APPL2: variants seen among roughly 807,000 people sequenced by gnomAD.
The protein encoded by APPL2 is adaptor protein, phosphotyrosine interacting with PH domain and leucine zipper 2, also known as DCC-interacting protein 13-beta.
A neutral mutation model predicts 92.7 loss-of-function variants in APPL2; 84 were observed. The observed-to-expected ratio is 0.91, with a 90% CI of 0.76 to 1.09. APPL2 has a LOEUF of 1.09. APPL2 is among the 50% of genes least tolerant of loss of function. The pLI is 0.00. For missense variants in APPL2, 736 were observed against 824.5 expected, an observed-to-expected ratio of 0.89 and a Z score of 1.31; for synonymous variants, 291 against 291.0, an observed-to-expected ratio of 1.00 and a Z score of 0.00.
chr12:105,196,427 T>A (rs1287857294), intron 11 of APPL2, among the ~76,000 whole-genome samples: 3 of 4,756 alleles, frequency 6.3e-4, no homozygotes, highest in Admixed American at 3.2e-3. Context: ...CGTTAACTCT[T>A]TTTTTTTTTT....
At chr12:105,208,692 C>T (rs977795299) in intron 5 of APPL2, among the ~76,000 whole-genome samples, 30 of 152,254 alleles carry the variant, frequency 2.0e-4, no homozygotes, top group Non-Finnish European at 4.4e-5. Context: ...AAACGTGACA[C>T]GATCTAGCAT....
intron 5 of APPL2, among the ~76,000 whole-genome samples, chr12:105,208,765 GCA>G (rs1888974461): frequency 6.6e-6 from 1 of 152,310 alleles, no homozygotes; most frequent in Non-Finnish European, 1.5e-5. Flanking sequence ...CACCCATCAT[GCA>G]CAGAGATGGC....
chr12:105,188,775 T>C lies in APPL2; in HGVS notation c.1460-328A>G, dbSNP rs184609883. 1.5e-3 allele frequency among the ~76,000 whole-genome samples: 236 copies of C among 152,328 alleles called. 1 individual carries two copies. The highest frequency in any genetic ancestry group is 5.4e-3 in the African/African-American group (226 of 41,580). ...TACCTTTTCTCTGAAAAGAGTGAGT[T>C]CACTAGACAATAGAAAATTCATTAC... On this transcript the variant is annotated intron_variant, in intron 16 of 20. Coordinates refer to ENST00000258530, the MANE Select transcript of APPL2 (RefSeq NM_018171.5).
At position 105,209,412 on chromosome 12, in the gene APPL2, A is replaced by T. The variant is rs11112411; in HGVS notation, c.374-1213T>A. ...GAGCAGTTTTATTCCACTTAAAAAAAATCACCATCCTGGGCAAATACTACT... is the reference window on the plus strand; with the variant it reads ...GAGCAGTTTTATTCCACTTAAAAAATATCACCATCCTGGGCAAATACTACT... On this transcript the variant is annotated intron_variant, in intron 5 of 20. Coordinates refer to ENST00000258530, the MANE Select transcript of APPL2 (RefSeq NM_018171.5). Among the ~76,000 whole-genome samples the T allele has an allele frequency of 6.5e-4, 99 of 152,266 alleles. 1 individual carries two copies. The East Asian group carries it at 0.019, about 29-fold the overall frequency.
Position 105,235,866 on chromosome 12 carries a change from G to A in APPL2, c.54+93C>T, listed in dbSNP as rs946453522. 7.3e-6 allele frequency: 8 copies of A among 1,088,508 alleles called. No homozygotes were observed. In the African/African-American group the frequency reaches 9.9e-5, roughly 13 times the overall value. 67.4% of individuals were successfully genotyped at this position (1,088,508 alleles called of 1,614,324 possible). A position where few individuals can be genotyped will look rare whatever the true frequency, so the allele number is the denominator to read the frequency against. On this transcript the variant is annotated intron_variant, in intron 1 of 20. Transcript: ENST00000258530. ...GGGGGCCGGGCGCACTCCCGCGGCT[G>A]CCCGGCCGGGGGCGCGGCCTCCACT...
Position 105,197,067 on chromosome 12 carries a change from G to A in APPL2, c.1052+698C>T, listed in dbSNP as rs79314578. Among the ~76,000 whole-genome samples the A allele has an allele frequency of 2.9e-3, 443 of 152,080 alleles. 16 individuals carry two copies. The East Asian group carries it at 0.071, about 25-fold the overall frequency. ...GTGTGAGAAGAGCGGCTCTGATGACGGGCAGGGCCACTCCTCTCCCCAGGC... is the reference window on the plus strand; with the variant it reads ...GTGTGAGAAGAGCGGCTCTGATGACAGGCAGGGCCACTCCTCTCCCCAGGC... On this transcript the variant is annotated intron_variant, in intron 11 of 20. Transcript: ENST00000258530.
chr12:105,176,470 GTTT>G, intron 19 of APPL2: 1 of 435,410 alleles, frequency 2.3e-6, no homozygotes, highest in East Asian at 3.6e-5. Context: ...AGAGTCAAAA[GTTT>G]TTCATACTAA....
chr12:105,184,282 C>G (rs115224406), intron 17 of APPL2, among the ~76,000 whole-genome samples: 6 of 152,110 alleles, frequency 3.9e-5, no homozygotes, highest in African/African-American at 1.4e-4. Flanking sequence ...ACTCATTCTC[C>G]GTCCAATTTT....
At chr12:105,180,634 T>G (rs1186676741) in intron 17 of APPL2, among the ~76,000 whole-genome samples, 1 of 152,214 alleles carries the variant, frequency 6.6e-6, no homozygotes, top group Non-Finnish European at 1.5e-5. Flanking sequence ...TGTCCTCTCT[T>G]ATTTCCTTGA....
chr12:105,177,353 T>A (rs369800359), intron 17 of APPL2, 91 bp from the exon 18 acceptor site: 1 of 1,355,132 alleles, frequency 7.4e-7, no homozygotes, highest in South Asian at 1.2e-5. Flanking sequence ...AAATACAAAT[T>A]CCCCGAAATA....
chr12:105,188,233 C>A, intron 17 of APPL2, 40 bp downstream of exon 17: 1 of 1,603,498 alleles, frequency 6.2e-7, no homozygotes. Context: ...GGGGAATTAG[C>A]TGAAGCCATA....
At chr12:105,207,882 G>A (rs559937576) in intron 7 of APPL2, 89 bp downstream of exon 7, 113 of 1,195,922 alleles carry the variant, frequency 9.4e-5, no homozygotes, top group Non-Finnish European at 1.2e-4. Context: ...AAATAACCAC[G>A]CACCCTTTCA....
chr12:105,200,353 AC>A (rs1487465645), intron 9 of APPL2, among the ~76,000 whole-genome samples: 3 of 152,272 alleles, frequency 2.0e-5, no homozygotes, highest in African/African-American at 4.8e-5. Flanking sequence ...AGGAAGTGGT[AC>A]TAAGGTGCAA....
intron 2 of APPL2, among the ~76,000 whole-genome samples, chr12:105,227,819 A>C (rs1890635025): frequency 6.6e-6 from 1 of 152,204 alleles, no homozygotes. Context: ...GCATAATAAC[A>C]ATAACAATAC....
At chr12:105,178,994 T>C (rs1370267419) in intron 17 of APPL2, among the ~76,000 whole-genome samples, 1 of 152,172 alleles carries the variant, frequency 6.6e-6, no homozygotes, top group Non-Finnish European at 1.5e-5. Context: ...TTCTCTTTTT[T>C]TATTATTATA....
chr12:105,178,531 G>C (rs1885775937), intron 17 of APPL2, among the ~76,000 whole-genome samples: 1 of 152,178 alleles, frequency 6.6e-6, no homozygotes, highest in South Asian at 2.1e-4. Context: ...TTATATCTCA[G>C]TAAAACTGTT....
chr12:105,199,166 G>C (rs1887919710), intron 10 of APPL2, among the ~76,000 whole-genome samples: 1 of 152,256 alleles, frequency 6.6e-6, no homozygotes. Context: ...TAGAGGACTC[G>C]TTTCCAGCCC....
chr12:105,192,505 G>A (rs867734872), intron 14 of APPL2, among the ~76,000 whole-genome samples: 4 of 109,756 alleles, frequency 3.6e-5, no homozygotes, highest in South Asian at 3.2e-4. Context: ...CCACTGTCCC[G>A]TTACACTGCC....
In APPL2 at chr12:105,173,363, TAGTTAC is replaced by T. The variant is rs1268796136; in HGVS notation, c.*945_*950del. The T allele has an allele frequency of 3.3e-5, 5 of 152,556 alleles. No homozygotes were observed. Among genetic ancestry groups the T allele is most frequent in the African/African-American group, 9.7e-5 (4 of 41,430 alleles). 9.5% of individuals were successfully genotyped at this position (152,556 alleles called of 1,614,324 possible). On this transcript the variant is annotated 3_prime_UTR_variant, in exon 21 of 21. Coordinates refer to ENST00000258530, the MANE Select transcript of APPL2 (RefSeq NM_018171.5). ...AAAGATAATAATAGTCTGTTGAACT[TAGTTAC>T]AGTTAAACACACTGTACCGATTCAA...
Sources: allele counts gnomAD v4.1 joint callset (sites outside exome capture counted in the v4.1 genomes callset), GRCh38; gene constraint gnomAD v4.1.1; transcripts MANE v1.5; gene names NCBI Gene and HGNC (gene_info 2026-07-23, HGNC 2026-07-21).